PRSS57: variants seen among roughly 807,000 people sequenced by gnomAD.
The protein encoded by PRSS57 is serine protease 57.
A neutral mutation model predicts 20.6 loss-of-function variants in PRSS57; 19 were observed. That is an observed-to-expected ratio of 0.92 (90% confidence interval 0.64 to 1.35). PRSS57 has a LOEUF of 1.35. Ranked by LOEUF, PRSS57 falls within the 40% of genes most tolerant of loss-of-function variation. PRSS57 has a pLI of 0.00. For missense variants in PRSS57, 440 were observed against 403.7 expected, an observed-to-expected ratio of 1.09 and a Z score of -0.77; for synonymous variants, 203 against 176.6, an observed-to-expected ratio of 1.15 and a Z score of -1.19.
intron 3 of PRSS57, chr19:690,725 G>C: frequency 2.9e-6 from 1 of 348,318 alleles, no homozygotes; most frequent in Non-Finnish European, 5.5e-6. Flanking sequence ...CGTCGGTCTG[G>C]GTGTTGAGTG....
At chr19:689,245 A>T (rs1214444544) in intron 3 of PRSS57, among the ~76,000 whole-genome samples, 28 of 131,614 alleles carry the variant, frequency 2.1e-4, no homozygotes, top group African/African-American at 7.5e-4. Context: ...GGTTAGCAGG[A>T]GATGACGGGG....
chr19:692,004 T>A lies in PRSS57; in HGVS notation c.234-2A>T, dbSNP rs565117857. The A allele has an allele frequency of 7.6e-7, 1 of 1,315,954 alleles. No individual in the cohort carries two copies. Among genetic ancestry groups the A allele is most frequent in the East Asian group, 2.8e-5 (1 of 35,454 alleles). 81.5% of individuals were successfully genotyped at this position (1,315,954 alleles called of 1,614,324 possible). A position where few individuals can be genotyped will look rare whatever the true frequency, so the allele number is the denominator to read the frequency against. On this transcript the variant is annotated splice_acceptor_variant, in intron 2 of 4. Coordinates refer to ENST00000329267, the MANE Select transcript of PRSS57 (RefSeq NM_001308209.2). LOFTEE classifies it high-confidence loss of function. The stretch of plus-strand genomic sequence containing the variant: ...ACCACCAGGCCAGTGCGGAGGTCTC[T>A]GCAGGGAGGAGGTGGTGGGTGAGAC...
In PRSS57 at chr19:685,790, CCCAGAT is replaced by C; in HGVS notation, c.769_774del (p.Ile257_Trp258del). 1 of 1,567,388 alleles carries C rather than the reference CCCAGAT, an allele frequency of 6.4e-7. No homozygotes were observed. The highest frequency in any genetic ancestry group is 8.7e-7 in the Non-Finnish European group (1 of 1,155,314). On this transcript the variant is annotated inframe_deletion, in exon 5 of 5. Transcript: ENST00000329267. ...TGGGGACTGCTCCGCCGAACCACGTCCCAGATCCAGGCCACAAAGGCGGACACCTGC... is the reference window on the plus strand; with the variant it reads ...TGGGGACTGCTCCGCCGAACCACGTCCCAGGCCACAAAGGCGGACACCTGC...
chr19:694,909 G>A lies in PRSS57; in HGVS notation c.138C>T (p.Tyr46=). ...GGCCCCCGAAGCGCACGGATGCCAT[G>A]TAGGGCCTGGAGTGGGGGGTCACCT... ...GHEVTPHSRP[Y]MASVRFGGQH... The change falls in exon 2 of 5, where the codon TAC becomes TAT. Residue 46 remains tyrosine (Y), a synonymous_variant. Transcript: ENST00000329267. 4.4e-6 allele frequency: 7 copies of A among 1,601,178 alleles called. No individual in the cohort carries two copies. Among genetic ancestry groups the A allele is most frequent in the Non-Finnish European group, 6.0e-6 (7 of 1,174,346 alleles).
intron 4 of PRSS57, among the ~76,000 whole-genome samples, chr19:686,282 G>C (rs1023778010): frequency 1.3e-5 from 2 of 152,024 alleles, no homozygotes; most frequent in Non-Finnish European, 2.9e-5. Flanking sequence ...TGTTTCCTCA[G>C]ATCTTCTAAG....
chr19:694,758 C>T (rs1373416432), intron 2 of PRSS57, 56 bp downstream of exon 2: 14 of 1,534,032 alleles, frequency 9.1e-6, no homozygotes, highest in African/African-American at 4.2e-5. Flanking sequence ...AGCCTGGAGT[C>T]CCCCTCATGT....
At chr19:695,034 C>G (rs1393477328) in intron 1 of PRSS57, 67 bp from the exon 2 acceptor site, 2 of 1,410,434 alleles carry the variant, frequency 1.4e-6, no homozygotes, top group Admixed American at 2.8e-5. Context: ...GGGGTCAGGG[C>G]AGGGGGAGAA....
chr19:693,367 A>G (rs1208619881), intron 2 of PRSS57, among the ~76,000 whole-genome samples: 1 of 150,776 alleles, frequency 6.6e-6, no homozygotes, highest in African/African-American at 2.4e-5. Flanking sequence ...AGCTGGGACC[A>G]CAGAAGCACA....
intron 2 of PRSS57, 149 bp from the exon 3 acceptor site, chr19:692,151 C>T: frequency 1.3e-6 from 1 of 779,450 alleles, no homozygotes; most frequent in Non-Finnish European, 1.7e-6. Context: ...GGGTGGATCA[C>T]CTGAGGTCGG....
intron 3 of PRSS57, among the ~76,000 whole-genome samples, chr19:689,698 T>G (rs1242693923): frequency 6.6e-6 from 1 of 151,834 alleles, no homozygotes; most frequent in Non-Finnish European, 1.5e-5. Context: ...GCAGGAGGAT[T>G]GCCTGAGTCC....
rs371249461 is a variant in PRSS57, at chr19:694,875, A to G, written c.172T>C (p.Cys58Arg). ...CGGGCTCGCAGCAGGAAGCCTCCGC[A>G]GTGATGTTGGCCCCCGAAGCGCACG... ...ASVRFGGQHH[C>R]GGFLLRARWV... is the part of the protein sequence containing the mutation. The change falls in exon 2 of 5, where the codon TGC becomes CGC. Residue 58 changes from cysteine (C) to arginine (R), a missense_variant. Physicochemically the swap from Cys to Arg is radical, Grantham distance 180 (BLOSUM62 -3). Transcript: ENST00000329267. 4.4e-6 allele frequency: 7 copies of G among 1,606,308 alleles called. No homozygotes were observed. Among genetic ancestry groups the G allele is most frequent in the African/African-American group, 4.0e-5 (3 of 74,842 alleles).
At chr19:690,396 G>T in intron 3 of PRSS57, 1 of 161,400 alleles carries the variant, frequency 6.2e-6, no homozygotes. Context: ...CCCTGGGATG[G>T]GGAACGGCGC....
chr19:685,885 G>A lies in PRSS57; in HGVS notation c.680C>T (p.Ala227Val), dbSNP rs2031461627. ...GCCCGAGAAGGAAACGAGGCCGTGA[G>A]CCCGGTTCCTGCACACCAGGGGCCC... is the stretch of plus-strand genomic sequence containing the variant. Reference protein sequence around the residue: ...SGGPLVCRNRAHGLVSFSGLW... With the variant: ...SGGPLVCRNRVHGLVSFSGLW... The change falls in exon 5 of 5, where the codon GCT becomes GTT. Residue 227 changes from alanine (A) to valine (V), a missense_variant. Coordinates refer to ENST00000329267, the MANE Select transcript of PRSS57 (RefSeq NM_001308209.2). 3.9e-6 allele frequency: 6 copies of A among 1,552,270 alleles called. No homozygotes were observed. The highest frequency in any genetic ancestry group is 1.4e-5 in the African/African-American group (1 of 73,250).
chr19:691,805 C>T (rs774097251), intron 3 of PRSS57, 53 bp downstream of exon 3: 44 of 1,308,358 alleles, frequency 3.4e-5, no homozygotes, highest in Non-Finnish European at 4.1e-5. Flanking sequence ...AGCGACAGAG[C>T]GAGAGACTGT....
chr19:685,565 G>T lies in PRSS57; in HGVS notation c.*151C>A. On this transcript the variant is annotated 3_prime_UTR_variant, in exon 5 of 5. Coordinates refer to ENST00000329267, the MANE Select transcript of PRSS57 (RefSeq NM_001308209.2). ...CTGGAAGTCAGTTAACATTTTACTG[G>T]GTTTGCTTCTGCCCTTTGCATGTGG... 1 of 715,330 alleles carries T rather than the reference G, an allele frequency of 1.4e-6. No individual in the cohort carries two copies. Among genetic ancestry groups the T allele is most frequent in the Non-Finnish European group, 2.2e-6 (1 of 446,842 alleles). 44.3% of individuals were successfully genotyped at this position (715,330 alleles called of 1,614,324 possible).
Position 685,679 on chromosome 19 carries a change from G to C in PRSS57, c.*37C>G, listed in dbSNP as rs766696683. 6 of 1,481,222 alleles carry C rather than the reference G, an allele frequency of 4.1e-6. No individual in the cohort carries two copies. Among genetic ancestry groups the C allele is most frequent in the South Asian group, 3.9e-5 (3 of 77,482 alleles). 91.8% of individuals were successfully genotyped at this position (1,481,222 alleles called of 1,614,324 possible). A position where few individuals can be genotyped will look rare whatever the true frequency, so the allele number is the denominator to read the frequency against. The stretch of plus-strand genomic sequence containing the variant: ...CCAGCCACGGAACATTCCAGGCCTG[G>C]AGCGGCCATCTCATTTGCATGCCGC... On this transcript the variant is annotated 3_prime_UTR_variant, in exon 5 of 5. Transcript: ENST00000329267.
intron 2 of PRSS57, among the ~76,000 whole-genome samples, chr19:693,250 T>TTTTTTG (rs2031699585): frequency 6.7e-6 from 1 of 148,300 alleles, no homozygotes. Context: ...TTTTTTTTTT[T>TTTTTTG]GAGACAAGGT....
At chr19:690,887 T>C in intron 3 of PRSS57, 1 of 395,540 alleles carries the variant, frequency 2.5e-6, no homozygotes, top group South Asian at 2.3e-5. Flanking sequence ...TGCGCTGGTG[T>C]GCCTGATCCC....
intron 3 of PRSS57, chr19:690,708 A>G (rs552119563): frequency 1.5e-5 from 5 of 329,600 alleles, no homozygotes; most frequent in Non-Finnish European, 2.3e-5. Context: ...GGGGACTACA[A>G]TGGCCACGTC....
Sources: gnomAD v4.1 joint callset for allele counts (sites outside exome capture counted in the v4.1 genomes callset) on GRCh38, gnomAD v4.1.1 for gene constraint, MANE v1.5 for transcripts, NCBI Gene and HGNC (gene_info 2026-07-23, HGNC 2026-07-21) for gene names.